PDE4D: variants seen among roughly 807,000 people sequenced by gnomAD.
PDE4D encodes 3',5'-cyclic-AMP phosphodiesterase 4D.
Under a neutral mutation model 87.4 loss-of-function variants are expected in PDE4D, and 24 were observed. The ratio of observed to expected loss-of-function variants is 0.27; its 90% CI spans 0.20 to 0.39. PDE4D has a LOEUF of 0.39. Among genes scored for constraint, PDE4D ranks in the 10% least tolerant of loss-of-function variants. PDE4D has a pLI of 1.00. For synonymous variants in PDE4D, 384 were observed against 383.2 expected (o/e 1.00, Z -0.02); for missense variants, 714 against 1,041.0 (o/e 0.69, Z 4.32).
At chr5:59,895,519 A>G (rs1336553388), upstream of PDE4D, among the ~76,000 whole-genome samples, 2 of 152,194 alleles carry the variant, frequency 1.3e-5, no homozygotes, top group African/African-American at 4.8e-5. Flanking sequence ...TTGCAGACAC[A>G]AGTGTGACTG....
At chr5:60,368,343 T>A (rs371309607) in intron 1 of PDE4D, among the ~76,000 whole-genome samples, 2 of 152,140 alleles carry the variant, frequency 1.3e-5, no homozygotes, top group Non-Finnish European at 2.9e-5. Flanking sequence ...AATGGCTGAA[T>A]AGTAACATTC....
chr5:60,448,941 T>A (rs1745866571), intron 1 of PDE4D, among the ~76,000 whole-genome samples: 2 of 152,076 alleles, frequency 1.3e-5, no homozygotes, highest in African/African-American at 4.8e-5. Context: ...TCCAAAGAGC[T>A]TTCATAAAGC....
rs139387407 is a variant in PDE4D at position 59,576,946 on chromosome 5, C to T, written c.455+316222G>A. Among the ~76,000 whole-genome samples, 373 of 152,276 alleles carry T rather than the reference C, an allele frequency of 2.4e-3. 2 individuals are homozygous for T. The highest frequency in any genetic ancestry group is 8.6e-3 in the African/African-American group (357 of 41,558). ...TCTTTCACTGATCTCAATACCACTA[C>T]GGTTTTCTCAATTTGCCCACTGTCA... On this transcript the variant is annotated intron_variant, in intron 1 of 14. Coordinates refer to ENST00000340635, the MANE Select transcript of PDE4D (RefSeq NM_001104631.2).
intron 1 of PDE4D, among the ~76,000 whole-genome samples, chr5:59,828,950 A>G (rs1390068786): frequency 6.6e-6 from 1 of 152,046 alleles, no homozygotes; most frequent in Non-Finnish European, 1.5e-5. Flanking sequence ...GCTAAGTCTC[A>G]AATCAAAGGG....
At chr5:59,689,167 C>T (rs1037504739) in intron 1 of PDE4D, among the ~76,000 whole-genome samples, 1 of 152,212 alleles carries the variant, frequency 6.6e-6, no homozygotes, top group Non-Finnish European at 1.5e-5. Context: ...AACATTCCTT[C>T]TGAAACTATT....
intron 2 of PDE4D, among the ~76,000 whole-genome samples, chr5:60,111,768 G>T (rs538687376): frequency 6.6e-6 from 1 of 151,722 alleles, no homozygotes; most frequent in African/African-American, 2.4e-5. Context: ...AATATACCTT[G>T]TGATAAAGTA....
chr5:59,030,015 C>G (rs1311501608), intron 6 of PDE4D, among the ~76,000 whole-genome samples: 4 of 152,082 alleles, frequency 2.6e-5, no homozygotes, highest in African/African-American at 9.7e-5. Flanking sequence ...TTATCTCACA[C>G]TCCATATAAA....
chr5:58,975,882 T>C lies in PDE4D; in HGVS notation c.1831-43A>G, dbSNP rs1427645912. ...ATTCTCTATTCACTCCTGTTCCTTT[T>C]TTTTAAAAAAAAAAACAAAAAAAAC... On this transcript the variant is annotated intron_variant, in intron 13 of 14. Transcript: ENST00000340635. This position sits in a 1 kb window ranked among gnomAD's most constrained non-coding sequence, Gnocchi z 4.2. 5 of 1,250,482 alleles carry C rather than the reference T, an allele frequency of 4.0e-6. No individual in the cohort carries two copies. The East Asian group carries it at 1.2e-4, about 29-fold the overall frequency. The allele number at this position is 1,250,482 out of a possible 1,614,324, so 77.5% of individuals were successfully genotyped here.
intron 1 of PDE4D, among the ~76,000 whole-genome samples, chr5:59,761,906 C>A (rs1238628443): frequency 6.6e-6 from 1 of 152,018 alleles, no homozygotes; most frequent in Non-Finnish European, 1.5e-5. Context: ...GGACTGACAG[C>A]ATGGTAGGTT....
chr5:59,988,655 G>C (rs927143887), exon 3 of PDE4D: 49 of 1,599,202 alleles, frequency 3.1e-5, no homozygotes, highest in Non-Finnish European at 3.9e-5. Flanking sequence ...GGACAAGATA[G>C]GGTTCCATTC....
chr5:60,220,118 A>G (rs566626621), intron 1 of PDE4D, among the ~76,000 whole-genome samples: 52 of 152,208 alleles, frequency 3.4e-4, no homozygotes, highest in African/African-American at 1.2e-3. Context: ...GGGTGTGGAG[A>G]AAAAACTCCC....
chr5:59,595,800 CT>C (rs940910643), intron 1 of PDE4D, among the ~76,000 whole-genome samples: 41 of 151,960 alleles, frequency 2.7e-4, no homozygotes, highest in African/African-American at 8.9e-4. Context: ...TTGTATATTT[CT>C]TTTTAAAAAT....
chr5:59,387,529 T>C (rs570360646), intron 1 of PDE4D, among the ~76,000 whole-genome samples: 1 of 152,112 alleles, frequency 6.6e-6, no homozygotes, highest in Non-Finnish European at 1.5e-5. Context: ...AACAGAAAAC[T>C]AATAGTTCCA....
intron 1 of PDE4D, among the ~76,000 whole-genome samples, chr5:59,381,846 C>A (rs969984186): frequency 2.0e-5 from 3 of 147,424 alleles, no homozygotes; most frequent in Non-Finnish European, 4.6e-5. Flanking sequence ...ATAGTTACAG[C>A]CATTTTTTTT....
intron 5 of PDE4D, among the ~76,000 whole-genome samples, chr5:59,081,159 C>T (rs555194498): frequency 7.3e-4 from 111 of 152,196 alleles, no homozygotes; most frequent in African/African-American, 2.5e-3. Flanking sequence ...TCAAGTCATC[C>T]ATAGTATGAA....
intron 3 of PDE4D, among the ~76,000 whole-genome samples, chr5:59,917,625 G>C (rs1229724876): frequency 4.6e-5 from 7 of 151,994 alleles, no homozygotes; most frequent in Non-Finnish European, 4.4e-5. Context: ...TTCTAACATA[G>C]CCCTGAATAT....
intron 1 of PDE4D, among the ~76,000 whole-genome samples, chr5:59,543,726 C>A (rs993872081): frequency 6.6e-6 from 1 of 151,888 alleles, no homozygotes; most frequent in Non-Finnish European, 1.5e-5. Context: ...AGAGCGCCCA[C>A]CCCTACACGC....
At chr5:59,546,937 A>G (rs1376677619) in intron 1 of PDE4D, among the ~76,000 whole-genome samples, 1 of 152,154 alleles carries the variant, frequency 6.6e-6, no homozygotes, top group African/African-American at 2.4e-5. Flanking sequence ...AAAGGCTAGT[A>G]TCAAAGCTAA....
chr5:59,582,429 A>G (rs1824338508), intron 1 of PDE4D, among the ~76,000 whole-genome samples: 1 of 152,178 alleles, frequency 6.6e-6, no homozygotes, highest in Non-Finnish European at 1.5e-5. Context: ...CTATGAGGCT[A>G]GATAGGAAGG....
Sources: allele counts gnomAD v4.1 joint callset (sites outside exome capture counted in the v4.1 genomes callset), GRCh38; gene constraint gnomAD v4.1.1; non-coding constraint Gnocchi (gnomAD v3.1); transcripts MANE v1.5; gene names NCBI Gene and HGNC (gene_info 2026-07-23, HGNC 2026-07-21).